Variants in FAT4 observed in about 807,000 individuals in gnomAD.
The protein encoded by FAT4 is FAT atypical cadherin 4.
Under a neutral mutation model 303.9 loss-of-function variants are expected in FAT4, and 84 were observed. The ratio of observed to expected loss-of-function variants is 0.28; its 90% confidence interval spans 0.23 to 0.33. The LOEUF (loss-of-function observed/expected upper bound fraction) is 0.33, where lower values mean the gene tolerates loss of function less well. Ranked by LOEUF, FAT4 falls within the 10% of genes least tolerant of loss-of-function variation. FAT4 has a pLI of 1.00. For synonymous variants in FAT4, 2,307 were observed against 2,298.8 expected, an observed-to-expected ratio of 1.00 and a Z score of -0.10; for missense variants, 6,005 against 6,146.8, an observed-to-expected ratio of 0.98 and a Z score of 0.77.
At position 125,318,196 on chromosome 4, in the gene FAT4, T is replaced by A; in HGVS notation, c.1785T>A (p.Asn595Lys). The A allele has an allele frequency of 1.9e-6, 3 of 1,614,168 alleles. No individual in the cohort carries two copies. The highest frequency in any genetic ancestry group is 2.5e-6 in the Non-Finnish European group (3 of 1,180,028). ...GGTATGATGTGTCTGTGGTTGAGAATGCCCCAACAGGGACAGAACTGTTGA... is the reference window on the plus strand; with the variant it reads ...GGTATGATGTGTCTGTGGTTGAGAAAGCCCCAACAGGGACAGAACTGTTGA... ...PEGYDVSVVE[N>K]APTGTELLML... The change falls in exon 2 of 18, where the codon AAT becomes AAA. Residue 595 changes from asparagine to lysine, a missense_variant. By Grantham distance (94) the Asn-to-Lys change is moderately conservative. Coordinates refer to ENST00000394329, the MANE Select transcript of FAT4 (RefSeq NM_001291303.3).
At chr4:125,434,182 T>C (rs1336567642) in intron 7 of FAT4, 63 bp from the exon 8 acceptor site, 1 of 1,510,432 alleles carries the variant, frequency 6.6e-7, no homozygotes, top group Admixed American at 1.9e-5. Context: ...CTACAGCTAA[T>C]TTTTGTTAAA....
chr4:125,320,693 T>C lies in FAT4; in HGVS notation c.4282T>C (p.Ser1428Pro). ...PSFPPGDIFK[S>P]IVENIPIGTS... Reference sequence around the variant, plus strand: ...CTTTCCTCCTGGAGATATTTTCAAGTCTATTGTTGAGAACATTCCCATCGG... The same window carrying C: ...CTTTCCTCCTGGAGATATTTTCAAGCCTATTGTTGAGAACATTCCCATCGG... The change falls in exon 2 of 18, where the codon TCT (serine) becomes CCT (proline). Residue 1428 changes from serine to proline, a missense_variant. Coordinates refer to ENST00000394329, the MANE Select transcript of FAT4 (RefSeq NM_001291303.3). 6.2e-7 allele frequency: 1 copy of C among 1,614,036 alleles called. No individual in the cohort carries two copies. Among genetic ancestry groups the C allele is most frequent in the African/African-American group, 1.3e-5 (1 of 75,058 alleles).
chr4:125,431,162 G>C (rs1725270665), intron 7 of FAT4, among the ~76,000 whole-genome samples: 1 of 152,166 alleles, frequency 6.6e-6, no homozygotes, highest in Non-Finnish European at 1.5e-5. Flanking sequence ...TGTATCACCA[G>C]ACACTTTAGA....
intron 2 of FAT4, among the ~76,000 whole-genome samples, chr4:125,332,196 C>G: frequency 7.5e-6 from 1 of 133,648 alleles, no homozygotes; most frequent in Non-Finnish European, 1.6e-5. Context: ...ATTTCCTCAA[C>G]AAGCCTGTAA....
chr4:125,318,240 G>A lies in FAT4; in HGVS notation c.1829G>A (p.Gly610Glu), dbSNP rs1006982992. Residue 610 changes from glycine to glutamate, a missense_variant, in exon 2 of 18, where the codon GGG becomes GAG. Gly to Glu is a moderately conservative substitution (Grantham distance 98). Transcript: ENST00000394329. ...TELLMLRATD[G>E]DLGDNGTVRF... Reference sequence around the variant, plus strand: ...CTGTTGATGCTCAGGGCAACTGACGGGGACCTGGGTGACAACGGAACAGTG... The same window carrying A: ...CTGTTGATGCTCAGGGCAACTGACGAGGACCTGGGTGACAACGGAACAGTG... The A allele has an allele frequency of 1.9e-6, 3 of 1,614,066 alleles. No individual in the cohort carries two copies. In the African/African-American group the frequency reaches 4.0e-5, roughly 22 times the overall value.
chr4:125,436,426 A>G (rs549554178), intron 8 of FAT4, among the ~76,000 whole-genome samples: 8 of 152,272 alleles, frequency 5.3e-5, no homozygotes, highest in South Asian at 2.1e-4. Flanking sequence ...TGGAGATATG[A>G]GTGTGGAGCT....
intron 7 of FAT4, among the ~76,000 whole-genome samples, chr4:125,423,636 C>T (rs1345044765): frequency 2.0e-5 from 3 of 152,188 alleles, no homozygotes; most frequent in Non-Finnish European, 4.4e-5. Context: ...AGAAGAAGGC[C>T]AGCATCCTCC....
At chr4:125,436,518 G>T (rs1725457192) in intron 8 of FAT4, among the ~76,000 whole-genome samples, 1 of 152,128 alleles carries the variant, frequency 6.6e-6, no homozygotes, top group African/African-American at 2.4e-5. Flanking sequence ...AACTGAATGA[G>T]AACACGTTTG....
intron 2 of FAT4, among the ~76,000 whole-genome samples, chr4:125,353,272 GA>G (rs1732300917): frequency 6.6e-6 from 1 of 151,734 alleles, no homozygotes; most frequent in Admixed American, 6.6e-5. Flanking sequence ...ATAGTTTACA[GA>G]AGTTTCACCA....
intron 2 of FAT4, among the ~76,000 whole-genome samples, chr4:125,326,924 C>G (rs1184734668): frequency 2.6e-5 from 4 of 152,098 alleles, no homozygotes; most frequent in Non-Finnish European, 5.9e-5. Flanking sequence ...ACTTGGGAGG[C>G]TGAGATAGGA....
intron 10 of FAT4, among the ~76,000 whole-genome samples, chr4:125,456,311 T>C (rs555443865): frequency 2.0e-5 from 3 of 152,292 alleles, no homozygotes; most frequent in African/African-American, 7.2e-5. Context: ...TCATAAACTC[T>C]TTCTAGGGAA....
intron 2 of FAT4, among the ~76,000 whole-genome samples, chr4:125,370,314 A>G (rs932915346): frequency 5.9e-5 from 9 of 152,178 alleles, no homozygotes; most frequent in African/African-American, 2.2e-4. Context: ...CAGGAACCCT[A>G]CAAAGTAGAG....
Position 125,318,968 on chromosome 4 carries a change from G to A in FAT4, c.2557G>A (p.Val853Met), listed in dbSNP as rs777413340. The A allele has an allele frequency of 6.2e-7, 1 of 1,614,206 alleles. No individual in the cohort carries two copies. The highest frequency in any genetic ancestry group is 8.5e-7 in the Non-Finnish European group (1 of 1,180,044). Reference protein sequence around the residue: ...QVTGQLTTANVIDREEQSFYQ... With the variant: ...QVTGQLTTANMIDREEQSFYQ... Reference sequence around the variant, plus strand: ...CACTGGGCAGCTTACCACAGCAAATGTGATTGATAGAGAAGAGCAATCCTT... The same window carrying A: ...CACTGGGCAGCTTACCACAGCAAATATGATTGATAGAGAAGAGCAATCCTT... The change falls in exon 2 of 18, where the codon GTG (valine) becomes ATG (methionine). Residue 853 changes from valine (V) to methionine (M), a missense_variant. Coordinates refer to ENST00000394329, the MANE Select transcript of FAT4 (RefSeq NM_001291303.3).
chr4:125,409,093 T>G (rs955007110), intron 5 of FAT4, among the ~76,000 whole-genome samples: 1 of 151,978 alleles, frequency 6.6e-6, no homozygotes, highest in Non-Finnish European at 1.5e-5. Context: ...AAGACCACTT[T>G]TTTTTGTATA....
In FAT4 at chr4:125,350,854, C is replaced by T. The variant is rs1218988969; in HGVS notation, c.5175+29268C>T. Reference sequence around the variant, plus strand: ...AGATTTCTGAGTATCTATTCATCTTCCCCAATCAGACAGTCCTTTAAATTT... The same window carrying T: ...AGATTTCTGAGTATCTATTCATCTTTCCCAATCAGACAGTCCTTTAAATTT... On this transcript the variant is annotated intron_variant, in intron 2 of 17. Coordinates refer to ENST00000394329, the MANE Select transcript of FAT4 (RefSeq NM_001291303.3). Among the ~76,000 whole-genome samples the T allele has an allele frequency of 2.0e-5, 3 of 151,846 alleles. No individual in the cohort carries two copies. The South Asian group carries it at 6.2e-4, about 31-fold the overall frequency.
chr4:125,385,882 T>G (rs1733730852), intron 2 of FAT4, among the ~76,000 whole-genome samples: 1 of 152,140 alleles, frequency 6.6e-6, no homozygotes. Flanking sequence ...ACTAAAAATG[T>G]TGGTACTTTG....
chr4:125,457,153 A>C (rs972454055), intron 10 of FAT4, among the ~76,000 whole-genome samples: 2 of 88,568 alleles, frequency 2.3e-5, no homozygotes, highest in Admixed American at 1.2e-4. Flanking sequence ...ACACACACAC[A>C]CACCACTGAG....
intron 10 of FAT4, among the ~76,000 whole-genome samples, chr4:125,459,450 T>C (rs1335267393): frequency 6.6e-6 from 1 of 152,062 alleles, no homozygotes; most frequent in African/African-American, 2.4e-5. Context: ...GCGGATACCA[T>C]GGATTCCTAT....
At chr4:125,488,110 G>A (rs62312780) in intron 17 of FAT4, among the ~76,000 whole-genome samples, 6,381 of 152,298 alleles carry the variant, frequency 0.042, 194 homozygotes, top group Admixed American at 0.1. Context: ...GAATTTTGCT[G>A]TGGAATTGAC....
Sources: allele counts gnomAD v4.1 joint callset (sites outside exome capture counted in the v4.1 genomes callset), GRCh38; gene constraint gnomAD v4.1.1; transcripts MANE v1.5; gene names NCBI Gene and HGNC (gene_info 2026-07-23, HGNC 2026-07-21).